Variants in CCDC28A observed in about 807,000 individuals in gnomAD.
CCDC28A encodes coiled-coil domain-containing protein 28A.
CCDC28A carries 24 observed loss-of-function variants against 22.1 expected under a neutral mutation model. The observed-to-expected ratio is 1.09, with a 90% CI of 0.79 to 1.53. The LOEUF (loss-of-function observed/expected upper bound fraction) is 1.53, where lower values mean the gene tolerates loss of function less well. Ranked by LOEUF, CCDC28A falls within the 40% of genes most tolerant of loss-of-function variation. The pLI is 0.00. For synonymous variants in CCDC28A, 83 were observed against 74.7 expected (o/e 1.11, Z -0.57); for missense variants, 170 against 210.7 (o/e 0.81, Z 1.20).
intron 5 of CCDC28A, among the ~76,000 whole-genome samples, chr6:138,792,457 G>C (rs1276111878): frequency 6.6e-6 from 1 of 151,936 alleles, no homozygotes; most frequent in Non-Finnish European, 1.5e-5. Context: ...AGGAGTTCAA[G>C]GCTACAGTGA....
intron 3 of CCDC28A, among the ~76,000 whole-genome samples, chr6:138,780,511 T>C (rs1774999210): frequency 6.6e-6 from 1 of 152,126 alleles, no homozygotes; most frequent in African/African-American, 2.4e-5. Flanking sequence ...GATAGTCAGA[T>C]TTTTCATGTG....
chr6:138,786,338 T>A (rs976095848), intron 4 of CCDC28A, among the ~76,000 whole-genome samples: 6 of 152,210 alleles, frequency 3.9e-5, no homozygotes, highest in Non-Finnish European at 5.9e-5. Flanking sequence ...GTTTAGCACA[T>A]AACACAAAGT....
At chr6:138,789,051 G>A (rs564729653) in intron 5 of CCDC28A, among the ~76,000 whole-genome samples, 1 of 152,238 alleles carries the variant, frequency 6.6e-6, no homozygotes, top group African/African-American at 2.4e-5. Context: ...CTTGTGAAAT[G>A]ACATTTCACA....
chr6:138,776,576 A>C (rs1774937277), intron 2 of CCDC28A, among the ~76,000 whole-genome samples: 1 of 152,266 alleles, frequency 6.6e-6, no homozygotes, highest in Non-Finnish European at 1.5e-5. Flanking sequence ...AAAGTGAAAG[A>C]AAGTCAGCAG....
rs1196304313 is a variant in CCDC28A, at chr6:138,793,037, T to A, written c.*234T>A. On this transcript the variant is annotated 3_prime_UTR_variant, in exon 6 of 6. Transcript: ENST00000617445. Reference sequence around the variant, plus strand: ...ATCAGGAAATGTGACGCAGAGATTGTGCTGCTGTGCTTCATATTGTTGCCT... The same window carrying A: ...ATCAGGAAATGTGACGCAGAGATTGAGCTGCTGTGCTTCATATTGTTGCCT... 2.0e-6 allele frequency: 1 copy of A among 498,470 alleles called. No individual in the cohort carries two copies. The highest frequency in any genetic ancestry group is 1.9e-5 in the African/African-American group (1 of 51,384). 30.9% of individuals were successfully genotyped at this position (498,470 alleles called of 1,614,324 possible).
rs375355757 is a variant in CCDC28A, at chr6:138,773,852, G to C, written c.-93G>C. On this transcript the variant is annotated 5_prime_UTR_variant, in exon 1 of 6. Coordinates refer to ENST00000617445, the MANE Select transcript of CCDC28A (RefSeq NM_015439.3). ...GGCTGCGGCGGTGGCTTCTGAGGCT[G>C]TCGGGTCTTTGCGGGTTGCGGAAGG... 2.5e-6 allele frequency: 4 copies of C among 1,614,016 alleles called. No homozygotes were observed. In the African/African-American group the frequency reaches 5.3e-5, roughly 22 times the overall value.
intron 4 of CCDC28A, among the ~76,000 whole-genome samples, chr6:138,786,845 G>A (rs1775100917): frequency 6.6e-6 from 1 of 152,154 alleles, no homozygotes. Flanking sequence ...TGAACTCCTG[G>A]ACTCAAGTGA....
chr6:138,785,491 C>T, intron 4 of CCDC28A, 110 bp downstream of exon 4: 1 of 747,914 alleles, frequency 1.3e-6, no homozygotes, highest in Non-Finnish European at 2.2e-6. Context: ...AGCGTATTCA[C>T]AGTGTTGTGC....
At chr6:138,783,344 T>C (rs1321126373) in intron 3 of CCDC28A, among the ~76,000 whole-genome samples, 1 of 148,354 alleles carries the variant, frequency 6.7e-6, no homozygotes, top group East Asian at 2.0e-4. Context: ...CACAGCTCAC[T>C]GCAGCCTCGG....
At chr6:138,774,569 C>G (rs1774897385) in intron 1 of CCDC28A, among the ~76,000 whole-genome samples, 1 of 152,212 alleles carries the variant, frequency 6.6e-6, no homozygotes, top group Admixed American at 6.5e-5. Context: ...GGCATTGGAG[C>G]CTTTCCCAGA....
Position 138,793,026 on chromosome 6 carries a change from C to T in CCDC28A, c.*223C>T, listed in dbSNP as rs6756. On this transcript the variant is annotated 3_prime_UTR_variant, in exon 6 of 6. Transcript: ENST00000617445. Reference sequence around the variant, plus strand: ...TTGAAGGCTTCATCAGGAAATGTGACGCAGAGATTGTGCTGCTGTGCTTCA... The same window carrying T: ...TTGAAGGCTTCATCAGGAAATGTGATGCAGAGATTGTGCTGCTGTGCTTCA... 141,532 of 523,572 alleles carry T rather than the reference C, an allele frequency of 0.27. 20,405 individuals are homozygous for T. Among genetic ancestry groups the T allele is most frequent in the African/African-American group, 0.42 (22,073 of 52,140 alleles). The allele number at this position is 523,572 out of a possible 1,614,324, so 32.4% of individuals were successfully genotyped here.
Position 138,773,842 on chromosome 6 carries a change from T to G in CCDC28A, c.-103T>G, listed in dbSNP as rs1427903901. 1 of 1,614,082 alleles carries G rather than the reference T, an allele frequency of 6.2e-7. No individual in the cohort carries two copies. Among genetic ancestry groups the G allele is most frequent in the East Asian group, 2.2e-5 (1 of 44,876 alleles). On this transcript the variant is annotated 5_prime_UTR_variant, in exon 1 of 6. Transcript: ENST00000617445. ...CTCTGCTTGTGGCTGCGGCGGTGGCTTCTGAGGCTGTCGGGTCTTTGCGGG... is the reference window on the plus strand; with the variant it reads ...CTCTGCTTGTGGCTGCGGCGGTGGCGTCTGAGGCTGTCGGGTCTTTGCGGG...
intron 5 of CCDC28A, among the ~76,000 whole-genome samples, chr6:138,790,130 C>G (rs1335529291): frequency 6.6e-6 from 1 of 151,810 alleles, no homozygotes; most frequent in Non-Finnish European, 1.5e-5. Context: ...TTAAGTATTT[C>G]CTATCCTTTT....
intron 4 of CCDC28A, among the ~76,000 whole-genome samples, chr6:138,787,515 A>G (rs534768092): frequency 6.6e-6 from 1 of 152,356 alleles, no homozygotes; most frequent in East Asian, 1.9e-4. Context: ...TCTACCTCAT[A>G]TAGAAAATTG....
chr6:138,778,486 T>C (rs1774969427), intron 2 of CCDC28A, among the ~76,000 whole-genome samples: 1 of 152,186 alleles, frequency 6.6e-6, no homozygotes, highest in African/African-American at 2.4e-5. Flanking sequence ...GAGCCTGGTA[T>C]ATGCCAGACA....
intron 3 of CCDC28A, among the ~76,000 whole-genome samples, chr6:138,781,101 G>T (rs924050540): frequency 1.3e-5 from 2 of 151,806 alleles, no homozygotes; most frequent in Non-Finnish European, 1.5e-5. Flanking sequence ...CCAGCCATTT[G>T]TTAACAGTCC....
At chr6:138,785,754 C>T (rs957769579) in intron 4 of CCDC28A, among the ~76,000 whole-genome samples, 5 of 151,902 alleles carry the variant, frequency 3.3e-5, no homozygotes, top group Non-Finnish European at 7.4e-5. Flanking sequence ...ACAAAGTTAT[C>T]GTATTTACAT....
rs778541985 is a variant in CCDC28A, at chr6:138,779,923, A to T, written c.260A>T (p.Glu87Val). Residue 87 changes from glutamate to valine, a missense_variant, in exon 3 of 6, where the codon GAG (glutamate) becomes GTG (valine). Transcript: ENST00000617445. ...CTCACTGATGTCTCAGATGTTCAGG[A>T]GATGGAGAGAGGGCTGCTCAGTCTT... ...SFLTDVSDVQEMERGLLSLLN... is the reference protein window; with the variant it reads ...SFLTDVSDVQVMERGLLSLLN... 4 of 1,614,002 alleles carry T rather than the reference A, an allele frequency of 2.5e-6. No homozygotes were observed. The highest frequency in any genetic ancestry group is 3.4e-6 in the Non-Finnish European group (4 of 1,179,882).
chr6:138,775,746 G>A (rs1246788785), intron 1 of CCDC28A, among the ~76,000 whole-genome samples: 2 of 152,170 alleles, frequency 1.3e-5, no homozygotes, highest in Non-Finnish European at 2.9e-5. Context: ...GTAAAATGTA[G>A]GCTTCTTGAG....
Sources: allele counts gnomAD v4.1 joint callset (sites outside exome capture counted in the v4.1 genomes callset), GRCh38; gene constraint gnomAD v4.1.1; transcripts MANE v1.5; gene names NCBI Gene and HGNC (gene_info 2026-07-23, HGNC 2026-07-21).